The following CYP2W1 variants were observed in gnomAD, a reference collection of about 807,000 sequenced individuals.
CYP2W1 encodes cytochrome P450 family 2 subfamily W member 1.
A neutral mutation model predicts 44.9 loss-of-function variants in CYP2W1; 51 were observed. That is an observed-to-expected ratio of 1.14 (90% CI 0.91 to 1.43). CYP2W1 has a LOEUF of 1.43. Ranked by LOEUF, CYP2W1 falls within the 40% of genes most tolerant of loss-of-function variation. The pLI, the probability that CYP2W1 is intolerant of heterozygous loss-of-function variation, is 0.00. For missense variants in CYP2W1, 746 were observed against 700.0 expected (o/e 1.07, Z -0.74); for synonymous variants, 383 against 338.3 (o/e 1.13, Z -1.45).
Position 987,249 on chromosome 7 carries a change from A to G in CYP2W1, c.958+4A>G. On this transcript the variant is annotated splice_donor_region_variant and intron_variant, in intron 6 of 8. Coordinates refer to ENST00000308919, the MANE Select transcript of CYP2W1 (RefSeq NM_017781.3). ...GGCCGGCACCCGGACGTGCAGGGTG[A>G]GACCCCGGCGCCTGGCGAGACGGCT... is the stretch of plus-strand genomic sequence containing the variant. The G allele has an allele frequency of 6.6e-7, 1 of 1,517,168 alleles. No homozygotes were observed. 94.0% of individuals were successfully genotyped at this position (1,517,168 alleles called of 1,614,324 possible).
At position 989,231 on chromosome 7, in the gene CYP2W1, C is replaced by T. The variant is rs1848637870; in HGVS notation, c.*409C>T. 1 of 209,930 alleles carries T rather than the reference C, an allele frequency of 4.8e-6. No individual in the cohort carries two copies. Among genetic ancestry groups the T allele is most frequent in the Admixed American group, 5.3e-5 (1 of 18,914 alleles). The allele number at this position is 209,930 out of a possible 1,614,324, so 13.0% of individuals were successfully genotyped here. A position where few individuals can be genotyped will look rare whatever the true frequency, so the allele number is the denominator to read the frequency against. The stretch of plus-strand genomic sequence containing the variant: ...GGTGGGTGTCCTCAGCGTGCGAGCC[C>T]TGCACCCCCCAGGTCCTGGGACTCC... On this transcript the variant is annotated 3_prime_UTR_variant, in exon 9 of 9. Transcript: ENST00000308919.
intron 8 of CYP2W1, 35 bp downstream of exon 8, chr7:988,453 C>T (rs1490852375): frequency 6.2e-7 from 1 of 1,609,872 alleles, no homozygotes; most frequent in African/African-American, 1.3e-5. Context: ...GGGGCGGCAC[C>T]TCCAGGGCTC....
rs758172852 is a variant in CYP2W1 at position 988,673 on chromosome 7, G to A, written c.1324G>A (p.Glu442Lys). The stretch of plus-strand genomic sequence containing the variant: ...TGTTGGGGAGCGCCTGGCCAGGACC[G>A]AGCTCTTCCTGCTGTTTGCCGGCCT... Reference protein sequence around the residue: ...VCVGERLARTELFLLFAGLLQ... With the variant: ...VCVGERLARTKLFLLFAGLLQ... The change falls in exon 9 of 9, where the codon GAG becomes AAG. Residue 442 changes from glutamate to lysine, a missense_variant. Transcript: ENST00000308919. 3.2e-5 allele frequency: 52 copies of A among 1,600,628 alleles called. No homozygotes were observed. The highest frequency in any genetic ancestry group is 4.0e-5 in the Non-Finnish European group (47 of 1,179,634).
rs1174883267 is a variant in CYP2W1, at chr7:986,704, C to A, written c.726C>A (p.Ala242=). 1 of 1,612,376 alleles carries A rather than the reference C, an allele frequency of 6.2e-7. No homozygotes were observed. The highest frequency in any genetic ancestry group is 1.1e-5 in the South Asian group (1 of 91,058). Residue 242 remains alanine, a synonymous_variant, in exon 5 of 9, where the codon GCC becomes GCA. Coordinates refer to ENST00000308919, the MANE Select transcript of CYP2W1 (RefSeq NM_017781.3). ...PVLRKIEEVR[A]ILRTLLEARR... is the part of the protein sequence containing the mutation. ...TGCGCAAGATCGAGGAGGTCCGTGC[C>A]ATTCTGAGGACCCTCCTGGAGGCGC...
chr7:986,550 G>A (rs1848360396), intron 4 of CYP2W1, 74 bp from the exon 5 acceptor site: 5 of 1,556,288 alleles, frequency 3.2e-6, no homozygotes, highest in Admixed American at 1.7e-5. Context: ...CAGCCGCTGG[G>A]GACGATCACC....
In CYP2W1 at chr7:987,350, G is replaced by A. The variant is rs757013139; in HGVS notation, c.962G>A (p.Arg321Gln). Residue 321 changes from arginine (R) to glutamine (Q), a missense_variant, in exon 7 of 9, where the codon CGG becomes CAG. Arg to Gln is a conservative substitution (Grantham distance 43). Transcript: ENST00000308919. ...LMGRHPDVQG[R>Q]VQEELDRVLG... ...AGCGGCCCACCCTTTGCCCCAGGCC[G>A]GGTGCAGGAGGAGCTAGACCGCGTG... 4.4e-6 allele frequency: 7 copies of A among 1,576,170 alleles called. No homozygotes were observed. The highest frequency in any genetic ancestry group is 2.3e-5 in the East Asian group (1 of 44,042).
rs564567759 is a variant in CYP2W1 at position 983,330 on chromosome 7, T to C, written c.119T>C (p.Leu40Pro). Residue 40 changes from leucine to proline, a missense_variant, in exon 1 of 9, where the codon CTC (leucine) becomes CCC (proline). Coordinates refer to ENST00000308919, the MANE Select transcript of CYP2W1 (RefSeq NM_017781.3). ...CCCCCGGGGCCTCGCCCGCTGCCGC[T>C]CGTCGGGAACCTGCACTTGCTGCGT... ...RWPPGPRPLP[L>P]VGNLHLLRLS... 35 of 1,539,268 alleles carry C rather than the reference T, an allele frequency of 2.3e-5. No individual in the cohort carries two copies. The South Asian group carries it at 3.8e-4, about 17-fold the overall frequency.
Position 984,479 on chromosome 7 carries a change from G to C in CYP2W1, c.242G>C (p.Gly81Ala), listed in dbSNP as rs754839024. The C allele has an allele frequency of 3.7e-5, 57 of 1,551,686 alleles. No individual in the cohort carries two copies. The highest frequency in any genetic ancestry group is 1.2e-4 in the Admixed American group (6 of 51,340). ...CGCCAGAAGACGGTGGTGCTGACGGGGTTCGAGGCGGTCAAAGAGGCGCTG... is the reference window on the plus strand; with the variant it reads ...CGCCAGAAGACGGTGGTGCTGACGGCGTTCGAGGCGGTCAAAGAGGCGCTG... ...LGRQKTVVLT[G>A]FEAVKEALAG... The change falls in exon 2 of 9, where the codon GGG (glycine) becomes GCG (alanine). Residue 81 changes from glycine to alanine, a missense_variant. By Grantham distance (60) the Gly-to-Ala change is moderately conservative. Coordinates refer to ENST00000308919, the MANE Select transcript of CYP2W1 (RefSeq NM_017781.3).
chr7:985,047 C>G lies in CYP2W1; in HGVS notation c.435C>G (p.Asp145Glu). ...SLGVGREPVA[D>E]KILQELKCLS... ...GCGTGGGCCGGGAGCCGGTGGCTGA[C>G]AAGATTCTGCAGGAGCTGAAATGCC... The change falls in exon 3 of 9, where the codon GAC becomes GAG. Residue 145 changes from aspartate (D) to glutamate (E), a missense_variant. Physicochemically the swap from Asp to Glu is conservative, Grantham distance 45. Transcript: ENST00000308919. The G allele has an allele frequency of 2.5e-6, 4 of 1,612,510 alleles. No individual in the cohort carries two copies. The highest frequency in any genetic ancestry group is 3.4e-6 in the Non-Finnish European group (4 of 1,179,848).
rs999453727 is a variant in CYP2W1, at chr7:986,763, G to A, written c.785G>A (p.Cys262Tyr). Residue 262 changes from cysteine (C) to tyrosine (Y), a missense_variant, in exon 5 of 9, where the codon TGC becomes TAC. Cys to Tyr is a radical substitution (Grantham distance 194). Coordinates refer to ENST00000308919, the MANE Select transcript of CYP2W1 (RefSeq NM_017781.3). Reference protein sequence around the residue: ...RPHVCPGDPVCSYVDALIQQG... With the variant: ...RPHVCPGDPVYSYVDALIQQG... ...CACGTGTGCCCGGGGGACCCCGTGT[G>A]CAGCTATGTGGACGCCCTGATCCAG... 1 of 1,600,272 alleles carries A rather than the reference G, an allele frequency of 6.2e-7. No homozygotes were observed. Among genetic ancestry groups the A allele is most frequent in the Non-Finnish European group, 8.5e-7 (1 of 1,173,184 alleles).
rs1180252782 is a variant in CYP2W1 at position 984,966 on chromosome 7, T to C, written c.354T>C (p.Ser118=). ...IQRGGGIFFS[S]GARWRAARQF... Reference sequence around the variant, plus strand: ...TGCCTACAGGCATCTTCTTCTCATCTGGGGCGCGCTGGAGGGCTGCCCGCC... The same window carrying C: ...TGCCTACAGGCATCTTCTTCTCATCCGGGGCGCGCTGGAGGGCTGCCCGCC... The change falls in exon 3 of 9, where the codon TCT becomes TCC. Residue 118 remains serine (S), a synonymous_variant. Transcript: ENST00000308919. 6.2e-7 allele frequency: 1 copy of C among 1,604,518 alleles called. No individual in the cohort carries two copies.
At chr7:986,972 T>C in intron 5 of CYP2W1, 135 bp from the exon 6 acceptor site, 1 of 1,351,192 alleles carries the variant, frequency 7.4e-7, no homozygotes, top group Non-Finnish European at 9.7e-7. Flanking sequence ...CCATAGTGCC[T>C]GCCTCGGGGA....
Position 986,653 on chromosome 7 carries a change from C to T in CYP2W1, c.675C>T (p.Ala225=), listed in dbSNP as rs1334292383. 2 of 1,612,724 alleles carry T rather than the reference C, an allele frequency of 1.2e-6. No individual in the cohort carries two copies. The highest frequency in any genetic ancestry group is 1.7e-5 in the Admixed American group (1 of 60,014). Reference sequence around the variant, plus strand: ...TCAACGTCTACCCATGGCTCGGGGCCCTGCTCCAGCTGCACCGGCCCGTCC... The same window carrying T: ...TCAACGTCTACCCATGGCTCGGGGCTCTGCTCCAGCTGCACCGGCCCGTCC... ...QLFNVYPWLG[A]LLQLHRPVLR... is the part of the protein sequence containing the mutation. The change falls in exon 5 of 9, where the codon GCC becomes GCT. Residue 225 remains alanine, a synonymous_variant. Coordinates refer to ENST00000308919, the MANE Select transcript of CYP2W1 (RefSeq NM_017781.3).
rs143434274 is a variant in CYP2W1 at position 984,465 on chromosome 7, G to C, written c.228G>C (p.Thr76=). 4.0e-5 allele frequency: 62 copies of C among 1,551,060 alleles called. No homozygotes were observed. Among genetic ancestry groups the C allele is most frequent in the Non-Finnish European group, 5.1e-5 (58 of 1,147,938 alleles). Reference sequence around the variant, plus strand: ...CCGTGCACCTGGGGCGCCAGAAGACGGTGGTGCTGACGGGGTTCGAGGCGG... The same window carrying C: ...CCGTGCACCTGGGGCGCCAGAAGACCGTGGTGCTGACGGGGTTCGAGGCGG... ...VFTVHLGRQK[T]VVLTGFEAVK... The change falls in exon 2 of 9, where the codon ACG becomes ACC. Residue 76 remains threonine (T), a synonymous_variant. Transcript: ENST00000308919.
At chr7:984,637 G>A (rs539780943) in intron 2 of CYP2W1, 63 bp downstream of exon 2, 39 of 1,507,928 alleles carry the variant, frequency 2.6e-5, no homozygotes, top group Middle Eastern at 2.3e-4. Context: ...CCCAGGAGGG[G>A]TGGGGGCTCC....
intron 1 of CYP2W1, among the ~76,000 whole-genome samples, chr7:983,897 A>G (rs1419785052): frequency 1.3e-5 from 2 of 152,206 alleles, no homozygotes; most frequent in Non-Finnish European, 2.9e-5. Context: ...CCTGACTAGC[A>G]CTGTCGCTCT....
chr7:988,624 A>T lies in CYP2W1; in HGVS notation c.1286-11A>T. 1 of 1,602,696 alleles carries T rather than the reference A, an allele frequency of 6.2e-7. No individual in the cohort carries two copies. Among genetic ancestry groups the T allele is most frequent in the Non-Finnish European group, 8.5e-7 (1 of 1,178,814 alleles). On this transcript the variant is annotated splice_polypyrimidine_tract_variant and intron_variant, in intron 8 of 8. Transcript: ENST00000308919. ...GGTGCAGCCCACTCTGTGCCTGGACATCCCCCGCAGGCCGCCGCGTCTGTG... is the reference window on the plus strand; with the variant it reads ...GGTGCAGCCCACTCTGTGCCTGGACTTCCCCCGCAGGCCGCCGCGTCTGTG...
Position 988,892 on chromosome 7 carries a change from T to G in CYP2W1, c.*70T>G. On this transcript the variant is annotated 3_prime_UTR_variant, in exon 9 of 9. Coordinates refer to ENST00000308919, the MANE Select transcript of CYP2W1 (RefSeq NM_017781.3). ...CCCTGGGTCCTCCCACCCTCTCTCC[T>G]CCCACCCCACAGCTCGGACTGCTCT... 1.1e-6 allele frequency: 1 copy of G among 918,974 alleles called. No individual in the cohort carries two copies. Among genetic ancestry groups the G allele is most frequent in the Non-Finnish European group, 1.5e-6 (1 of 650,014 alleles). The allele number at this position is 918,974 out of a possible 1,614,324, so 56.9% of individuals were successfully genotyped here.
intron 8 of CYP2W1, 98 bp from the exon 9 acceptor site, chr7:988,537 G>T: frequency 6.3e-7 from 1 of 1,597,560 alleles, no homozygotes. Flanking sequence ...GAAGGCGGCT[G>T]TGGTGGCTGC....
Sources: allele counts gnomAD v4.1 joint callset (sites outside exome capture counted in the v4.1 genomes callset), GRCh38; gene constraint gnomAD v4.1.1; transcripts MANE v1.5; gene names NCBI Gene and HGNC (gene_info 2026-07-23, HGNC 2026-07-21).